Variants in FAM178B observed in about 807,000 individuals in gnomAD.
FAM178B encodes the protein protein FAM178B.
FAM178B carries 82 observed loss-of-function variants against 91.7 expected under a neutral mutation model. The ratio of observed to expected loss-of-function variants is 0.89; its 90% confidence interval spans 0.75 to 1.07. FAM178B has a LOEUF of 1.07. Among genes scored for constraint, FAM178B ranks in the 50% least tolerant of loss-of-function variants. The pLI is 0.00. For synonymous variants in FAM178B, 368 were observed against 359.4 expected (o/e 1.02, Z -0.27); for missense variants, 769 against 846.7 (o/e 0.91, Z 1.14).
chr2:96,982,449 GATGGAGTTTCACCATATT>G (rs1268908112), intron 1 of FAM178B, among the ~76,000 whole-genome samples: 2 of 152,010 alleles, frequency 1.3e-5, no homozygotes, highest in Non-Finnish European at 2.9e-5. Flanking sequence ...TTTTTGTAGA[GATGGAGTTTCACCATATT>G]ACCCAGGCTG....
At chr2:96,971,785 G>A in intron 3 of FAM178B, 116 bp downstream of exon 3, 1 of 1,042,620 alleles carries the variant, frequency 9.6e-7, no homozygotes. Context: ...AAGGTGAAGT[G>A]TCCGAGGAAG....
chr2:96,944,850 C>A (rs186437018), intron 8 of FAM178B, among the ~76,000 whole-genome samples: 1 of 152,278 alleles, frequency 6.6e-6, no homozygotes. Flanking sequence ...TCACTCAGTC[C>A]CCGTAGGCAA....
chr2:96,920,599 CAAG>C (rs563257303), intron 12 of FAM178B, among the ~76,000 whole-genome samples: 1 of 151,264 alleles, frequency 6.6e-6, no homozygotes, highest in Admixed American at 6.6e-5. Context: ...GACTCTGTCT[CAAG>C]AAGAAGAAAA....
intron 12 of FAM178B, among the ~76,000 whole-genome samples, chr2:96,907,166 C>T (rs1320563434): frequency 1.3e-5 from 2 of 152,146 alleles, no homozygotes. Flanking sequence ...CCCCGCCTGC[C>T]CACTGCCTTT....
chr2:96,958,271 C>T (rs1034709609), intron 6 of FAM178B, among the ~76,000 whole-genome samples: 1 of 152,048 alleles, frequency 6.6e-6, no homozygotes, highest in African/African-American at 2.4e-5. Context: ...GTGGTTTCAC[C>T]GTGTTAGCCA....
In FAM178B at chr2:96,875,985, C is replaced by A. The variant is rs962055156; in HGVS notation, c.*291G>T. On this transcript the variant is annotated 3_prime_UTR_variant, in exon 17 of 17. Coordinates refer to ENST00000490605, the MANE Select transcript of FAM178B (RefSeq NM_001122646.3). ...GGACTGAGGCCCAGGGAAACCAGAG[C>A]TATGGAGACAGAGGCCTTAGGGAAG... is the stretch of plus-strand genomic sequence containing the variant. The A allele has an allele frequency of 3.9e-5, 19 of 483,606 alleles. 1 individual carries two copies. In the South Asian group the frequency reaches 4.8e-4, roughly 12 times the overall value. 30.0% of individuals were successfully genotyped at this position (483,606 alleles called of 1,614,324 possible). A position where few individuals can be genotyped will look rare whatever the true frequency, so the allele number is the denominator to read the frequency against.
At chr2:96,922,682 A>T (rs2153370996) in intron 10 of FAM178B, among the ~76,000 whole-genome samples, 1 of 151,214 alleles carries the variant, frequency 6.6e-6, no homozygotes, top group East Asian at 2.0e-4. Flanking sequence ...ACTTGCTTTC[A>T]TTTTACTCTA....
intron 7 of FAM178B, 64 bp downstream of exon 7, chr2:96,951,315 T>C (rs2081923564): frequency 8.3e-7 from 1 of 1,205,184 alleles, no homozygotes; most frequent in East Asian, 2.5e-5. Flanking sequence ...CCTCAGCCTG[T>C]GGGCCTGCCG....
intron 1 of FAM178B, among the ~76,000 whole-genome samples, chr2:96,981,657 C>T (rs1161393926): frequency 6.8e-6 from 1 of 146,548 alleles, no homozygotes; most frequent in Non-Finnish European, 1.5e-5. Context: ...AGGAGAATGG[C>T]GTGAACCTGG....
intron 8 of FAM178B, among the ~76,000 whole-genome samples, chr2:96,941,513 G>T (rs2081730121): frequency 6.6e-6 from 1 of 152,220 alleles, no homozygotes; most frequent in Non-Finnish European, 1.5e-5. Context: ...TGGCCACGAG[G>T]CCAGAGCTCG....
chr2:96,944,317 G>C (rs887451237), intron 8 of FAM178B, among the ~76,000 whole-genome samples: 7 of 151,960 alleles, frequency 4.6e-5, no homozygotes, highest in Non-Finnish European at 7.4e-5. Context: ...GATTCATGAG[G>C]CTGGAAATTC....
At chr2:96,938,323 A>C (rs1208023039) in intron 8 of FAM178B, among the ~76,000 whole-genome samples, 1 of 152,226 alleles carries the variant, frequency 6.6e-6, no homozygotes, top group African/African-American at 2.4e-5. Context: ...CTAATGGCGC[A>C]GTACCTGAGG....
chr2:96,922,557 C>T (rs143003883), intron 10 of FAM178B, among the ~76,000 whole-genome samples: 64 of 152,334 alleles, frequency 4.2e-4, no homozygotes, highest in African/African-American at 1.5e-3. Context: ...ACCATGTTGG[C>T]CAGGCTGATC....
chr2:96,930,209 C>A, intron 8 of FAM178B, among the ~76,000 whole-genome samples: 1 of 54,994 alleles, frequency 1.8e-5, no homozygotes, highest in Admixed American at 2.9e-4. Flanking sequence ...CTCCGTCTCT[C>A]CAAAAAAAAA....
At chr2:96,970,986 C>T (rs2153375696) in intron 3 of FAM178B, among the ~76,000 whole-genome samples, 1 of 152,142 alleles carries the variant, frequency 6.6e-6, no homozygotes, top group African/African-American at 2.4e-5. Flanking sequence ...CCTGTTCCCT[C>T]CCCACAGGTG....
chr2:96,878,548 G>T, intron 14 of FAM178B, 55 bp from the exon 15 acceptor site: 1 of 1,534,914 alleles, frequency 6.5e-7, no homozygotes, highest in Non-Finnish European at 9.0e-7. Context: ...GGGCAGCATG[G>T]CGTGCCCTCC....
Position 96,876,274 on chromosome 2 carries a change from CT to C in FAM178B, c.*1del. 1 of 1,608,244 alleles carries C rather than the reference CT, an allele frequency of 6.2e-7. No homozygotes were observed. Among genetic ancestry groups the C allele is most frequent in the Non-Finnish European group, 8.5e-7 (1 of 1,178,214 alleles). On this transcript the variant is annotated 3_prime_UTR_variant, in exon 17 of 17. Transcript: ENST00000490605. Reference sequence around the variant, plus strand: ...GCCCTGGGCTGCCCTGACCCTGTCCCTTTAGATGTCTTTCCAGGGGCTGAAA... The same window carrying C: ...GCCCTGGGCTGCCCTGACCCTGTCCCTTAGATGTCTTTCCAGGGGCTGAAA...
intron 1 of FAM178B, among the ~76,000 whole-genome samples, chr2:96,975,234 A>G (rs958556825): frequency 6.6e-6 from 1 of 152,178 alleles, no homozygotes; most frequent in African/African-American, 2.4e-5. Context: ...AACAATGTAC[A>G]GTATGTATAG....
In FAM178B at chr2:96,927,468, C is replaced by T. The variant is rs142165728; in HGVS notation, c.1193+1738G>A. 5.3e-5 allele frequency among the ~76,000 whole-genome samples: 8 copies of T among 152,310 alleles called. No individual in the cohort carries two copies. The East Asian group carries it at 1.3e-3, about 26-fold the overall frequency. On this transcript the variant is annotated intron_variant, in intron 9 of 16. Coordinates refer to ENST00000490605, the MANE Select transcript of FAM178B (RefSeq NM_001122646.3). Reference sequence around the variant, plus strand: ...AGAGGTAGATGTTAAAACGGTGTGTCTGGGACACGACATGAGGCCCTGGCA... The same window carrying T: ...AGAGGTAGATGTTAAAACGGTGTGTTTGGGACACGACATGAGGCCCTGGCA...
Sources: allele counts gnomAD v4.1 joint callset (sites outside exome capture counted in the v4.1 genomes callset), GRCh38; gene constraint gnomAD v4.1.1; transcripts MANE v1.5; gene names NCBI Gene and HGNC (gene_info 2026-07-23, HGNC 2026-07-21).